Variants in NID1 observed in about 807,000 individuals in gnomAD.
The protein encoded by NID1 is nidogen-1.
Under a neutral mutation model 130.6 loss-of-function variants are expected in NID1, and 76 were observed. The ratio of observed to expected loss-of-function variants is 0.58; its 90% CI spans 0.48 to 0.70. The LOEUF is 0.70. Among genes scored for constraint, NID1 ranks in the 30% least tolerant of loss-of-function variants. The pLI, the probability that NID1 is intolerant of heterozygous loss-of-function variation, is 0.00. For synonymous variants in NID1, 665 were observed against 675.1 expected (o/e 0.98, Z 0.23); for missense variants, 1,517 against 1,664.8 (o/e 0.91, Z 1.54).
At chr1:236,050,909 C>G (rs1289736821) in intron 1 of NID1, among the ~76,000 whole-genome samples, 3 of 151,462 alleles carry the variant, frequency 2.0e-5, no homozygotes, top group Admixed American at 6.6e-5. Flanking sequence ...AAAACCCCGT[C>G]TCTACTAAAA....
At position 235,979,732 on chromosome 1, in the gene NID1, C is replaced by A. The variant is rs1375270224; in HGVS notation, c.3509+90G>T. The A allele has an allele frequency of 4.7e-6, 7 of 1,502,492 alleles. No homozygotes were observed. The East Asian group carries it at 1.2e-4, about 25-fold the overall frequency. The allele number at this position is 1,502,492 out of a possible 1,614,324, so 93.1% of individuals were successfully genotyped here. On this transcript the variant is annotated intron_variant, in intron 18 of 19. Transcript: ENST00000264187. This position sits in a 1 kb window ranked among gnomAD's most constrained non-coding sequence, Gnocchi z 4.6. ...CATTTCTGGAGGCTCAAAAGTCAAGCCAAGAGGCCAGATGGGAAGGGCCTG... is the reference window on the plus strand; with the variant it reads ...CATTTCTGGAGGCTCAAAAGTCAAGACAAGAGGCCAGATGGGAAGGGCCTG...
chr1:236,000,666 T>C (rs1658050717), intron 12 of NID1, among the ~76,000 whole-genome samples: 2 of 152,236 alleles, frequency 1.3e-5, no homozygotes, highest in Admixed American at 1.3e-4. Context: ...AAATAAATTG[T>C]TAAATTGATT....
chr1:236,017,291 T>A lies in NID1; in HGVS notation c.2129-18A>T, dbSNP rs775715723. The A allele has an allele frequency of 1.9e-6, 3 of 1,613,164 alleles. No individual in the cohort carries two copies. In the African/African-American group the frequency reaches 4.0e-5, roughly 22 times the overall value. Reference sequence around the variant, plus strand: ...ATCAATATCTGCAGCAAAAATTTTTTTTTACTGCAGGCTTTTTTTTAAAGC... The same window carrying A: ...ATCAATATCTGCAGCAAAAATTTTTATTTACTGCAGGCTTTTTTTTAAAGC... On this transcript the variant is annotated intron_variant, in intron 9 of 19. Transcript: ENST00000264187.
chr1:236,016,880 A>C lies in NID1; in HGVS notation c.2254+268T>G, dbSNP rs11577753. ...AAGCATAATGAAAATGATTAAAAGA[A>C]GTTTATAAGAGGCAAATGTAATGCA... On this transcript the variant is annotated intron_variant, in intron 10 of 19. Coordinates refer to ENST00000264187, the MANE Select transcript of NID1 (RefSeq NM_002508.3). Among the ~76,000 whole-genome samples, 48,514 of 152,108 alleles carry C rather than the reference A, an allele frequency of 0.32. 8,308 individuals carry two copies. Among genetic ancestry groups the C allele is most frequent in the Non-Finnish European group, 0.37 (25,310 of 67,986 alleles).
In NID1 at chr1:236,064,848, C is replaced by T; in HGVS notation, c.225+7G>A. 1.9e-6 allele frequency: 3 copies of T among 1,608,560 alleles called. No individual in the cohort carries two copies. Among genetic ancestry groups the T allele is most frequent in the Non-Finnish European group, 2.5e-6 (3 of 1,177,902 alleles). On this transcript the variant is annotated splice_region_variant and intron_variant, in intron 1 of 19. Transcript: ENST00000264187. ...GCCCCTCGCCCGCCCTCCCGGGGCT[C>T]ACTCACGTAGACTGCGTCGATGTCG...
At chr1:235,998,469 GTT>G (rs1657989176) in intron 12 of NID1, among the ~76,000 whole-genome samples, 1 of 152,152 alleles carries the variant, frequency 6.6e-6, no homozygotes, top group Non-Finnish European at 1.5e-5. Flanking sequence ...GAGGTCAGGA[GTT>G]TGAGACCAGC....
chr1:236,048,876 C>A lies in NID1; in HGVS notation c.339G>T (p.Thr113=). Residue 113 remains threonine, a synonymous_variant, in exon 2 of 20, where the codon ACG becomes ACT. Coordinates refer to ENST00000264187, the MANE Select transcript of NID1 (RefSeq NM_002508.3). The part of the protein sequence containing the change: ...AVAPFLADLD[T]TDGLGKVYYR... ...AATAAACCTTCCCCAGGCCATCGGT[C>A]GTGTCCAAGTCCGCCAGGAAAGGGG... 1.2e-6 allele frequency: 2 copies of A among 1,614,054 alleles called. No individual in the cohort carries two copies. Among genetic ancestry groups the A allele is most frequent in the Non-Finnish European group, 8.5e-7 (1 of 1,180,020 alleles).
At chr1:236,002,813 G>A (rs1014542154) in intron 12 of NID1, among the ~76,000 whole-genome samples, 2 of 152,142 alleles carry the variant, frequency 1.3e-5, no homozygotes, top group Non-Finnish European at 2.9e-5. Context: ...GAAGGAGGTG[G>A]CGGTCAGACG....
At chr1:235,982,859 C>G (rs1176711748) in intron 15 of NID1, among the ~76,000 whole-genome samples, 3 of 151,970 alleles carry the variant, frequency 2.0e-5, no homozygotes, top group African/African-American at 7.3e-5. Context: ...GCAACCATTC[C>G]AATACTGTGG....
chr1:236,019,010 T>A (rs1480030819), intron 9 of NID1, among the ~76,000 whole-genome samples: 1 of 152,250 alleles, frequency 6.6e-6, no homozygotes, highest in Non-Finnish European at 1.5e-5. Context: ...GTTTGTCCTG[T>A]ACCCAGGCAA....
Position 235,995,389 on chromosome 1 carries a change from G to A in NID1, c.2528-1517C>T, listed in dbSNP as rs553685930. The stretch of plus-strand genomic sequence containing the variant: ...TGGTATCTTCAGGAACCAATGCCCC[G>A]TGGATACTGAGGGACAGCTGTACTT... On this transcript the variant is annotated intron_variant, in intron 12 of 19. Coordinates refer to ENST00000264187, the MANE Select transcript of NID1 (RefSeq NM_002508.3). Among the ~76,000 whole-genome samples, 22 of 152,268 alleles carry A rather than the reference G, an allele frequency of 1.4e-4. No homozygotes were observed. In the South Asian group the frequency reaches 3.5e-3, roughly 24 times the overall value.
At chr1:235,994,791 G>A (rs986494183) in intron 12 of NID1, among the ~76,000 whole-genome samples, 2 of 151,442 alleles carry the variant, frequency 1.3e-5, no homozygotes, top group Admixed American at 1.3e-4. Context: ...ATGCCTCCCA[G>A]GTTCAAGCGA....
rs1371933084 is a variant in NID1 at position 235,977,345 on chromosome 1, G to A, written c.*522C>T. 1 of 155,386 alleles carries A rather than the reference G, an allele frequency of 6.4e-6. No homozygotes were observed. The highest frequency in any genetic ancestry group is 1.4e-5 in the Non-Finnish European group (1 of 69,918). 9.6% of individuals were successfully genotyped at this position (155,386 alleles called of 1,614,324 possible). On this transcript the variant is annotated 3_prime_UTR_variant, in exon 20 of 20. Coordinates refer to ENST00000264187, the MANE Select transcript of NID1 (RefSeq NM_002508.3). Reference sequence around the variant, plus strand: ...TGAGGAACTGAGGAGTAAAACTATAGGACTATAATAAAGAAGAAATTCAGA... The same window carrying A: ...TGAGGAACTGAGGAGTAAAACTATAAGACTATAATAAAGAAGAAATTCAGA...
chr1:235,987,626 T>G (rs1657612461), intron 14 of NID1, among the ~76,000 whole-genome samples: 1 of 152,174 alleles, frequency 6.6e-6, no homozygotes, highest in Admixed American at 6.5e-5. Context: ...GTGGTGAGGT[T>G]AGATTCTGTC....
intron 12 of NID1, among the ~76,000 whole-genome samples, chr1:236,001,766 C>T (rs764693533): frequency 1.3e-5 from 2 of 152,174 alleles, no homozygotes; most frequent in Non-Finnish European, 1.5e-5. Context: ...ACAGAAAGGT[C>T]GTAAACCAGC....
intron 1 of NID1, among the ~76,000 whole-genome samples, chr1:236,060,968 C>T (rs1278685731): frequency 1.3e-5 from 2 of 152,160 alleles, no homozygotes; most frequent in African/African-American, 2.4e-5. Context: ...TACTGTATTA[C>T]ACAAATTCCT....
At chr1:235,987,185 C>T (rs1278638375) in intron 14 of NID1, among the ~76,000 whole-genome samples, 3 of 152,158 alleles carry the variant, frequency 2.0e-5, no homozygotes, top group African/African-American at 7.2e-5. Context: ...CTGCCAGTAA[C>T]TCATTAATGA....
chr1:236,038,735 A>T (rs889586260), intron 4 of NID1, among the ~76,000 whole-genome samples: 1 of 119,670 alleles, frequency 8.4e-6, no homozygotes, highest in Admixed American at 8.6e-5. Context: ...GTCATATATA[A>T]TATATATTAC....
At chr1:235,991,730 A>G (rs1003546853) in intron 13 of NID1, among the ~76,000 whole-genome samples, 1 of 152,218 alleles carries the variant, frequency 6.6e-6, no homozygotes, top group African/African-American at 2.4e-5. Context: ...CAGCAGCACC[A>G]GCGGTAGCAC....
Sources: gnomAD v4.1 joint callset for allele counts (sites outside exome capture counted in the v4.1 genomes callset) on GRCh38, gnomAD v4.1.1 for gene constraint, Gnocchi (gnomAD v3.1) non-coding constraint, MANE v1.5 for transcripts, NCBI Gene and HGNC (gene_info 2026-07-23, HGNC 2026-07-21) for gene names.